The following PDGFC variants were observed in gnomAD, a reference collection of about 807,000 sequenced individuals.
The protein encoded by PDGFC is platelet derived growth factor C.
PDGFC carries 12 observed loss-of-function variants against 35.5 expected under a neutral mutation model. That is an observed-to-expected ratio of 0.34 (90% confidence interval 0.22 to 0.55). PDGFC has a LOEUF of 0.55. PDGFC is among the 20% of genes least tolerant of loss of function. The pLI is 0.91. For missense variants in PDGFC, 322 were observed against 412.4 expected (o/e 0.78, Z 1.90); for synonymous variants, 159 against 148.8 (o/e 1.07, Z -0.50).
chr4:156,805,960 C>T (rs1037887662), intron 3 of PDGFC, among the ~76,000 whole-genome samples: 14 of 151,900 alleles, frequency 9.2e-5, no homozygotes, highest in African/African-American at 2.9e-4. Context: ...GCCAGTACGC[C>T]GTCTGAACTC....
At chr4:156,903,104 A>AGAGACT (rs368483475) in intron 1 of PDGFC, among the ~76,000 whole-genome samples, 1 of 130,678 alleles carries the variant, frequency 7.7e-6, no homozygotes, top group Non-Finnish European at 1.7e-5. Context: ...AGAGAGAGAG[A>AGAGACT]GTGTGTGTGT....
intron 1 of PDGFC, among the ~76,000 whole-genome samples, chr4:156,904,100 A>T (rs1250897480): frequency 6.6e-6 from 1 of 152,150 alleles, no homozygotes; most frequent in Non-Finnish European, 1.5e-5. Context: ...ATATTACAGC[A>T]TACAATTTAC....
At chr4:156,855,185 T>C (rs1162699118) in intron 1 of PDGFC, among the ~76,000 whole-genome samples, 1 of 152,148 alleles carries the variant, frequency 6.6e-6, no homozygotes, top group African/African-American at 2.4e-5. Context: ...ATGTTTACCA[T>C]GCATTACATA....
At chr4:156,907,049 T>C (rs971963204) in intron 1 of PDGFC, among the ~76,000 whole-genome samples, 6 of 152,230 alleles carry the variant, frequency 3.9e-5, no homozygotes, top group Admixed American at 2.6e-4. Context: ...ATCTACTGTT[T>C]ATGAAATCTG....
rs894104994 is a variant in PDGFC, at chr4:156,796,853, T to C, written c.495+13984A>G. On this transcript the variant is annotated intron_variant, in intron 3 of 5. Transcript: ENST00000502773. ...TTTAAATCAACTTAATATAAACTTA[T>C]AGAAAATTACATATAACTCTAAGTC... is the stretch of plus-strand genomic sequence containing the variant. 3.3e-5 allele frequency among the ~76,000 whole-genome samples: 5 copies of C among 152,252 alleles called. No individual in the cohort carries two copies. In the East Asian group the frequency reaches 9.7e-4, roughly 29 times the overall value.
chr4:156,798,015 C>T (rs1036149285), intron 3 of PDGFC, among the ~76,000 whole-genome samples: 3 of 152,074 alleles, frequency 2.0e-5, no homozygotes, highest in African/African-American at 7.2e-5. Context: ...CATGGTAAAA[C>T]CCTGTCTCTA....
At chr4:156,817,386 CAAGT>C (rs1331002649) in intron 2 of PDGFC, among the ~76,000 whole-genome samples, 2 of 152,012 alleles carry the variant, frequency 1.3e-5, no homozygotes, top group Admixed American at 6.5e-5. Flanking sequence ...GATATAATCA[CAAGT>C]AAGACTATAT....
At chr4:156,813,747 C>A (rs945731378) in intron 2 of PDGFC, among the ~76,000 whole-genome samples, 14 of 152,054 alleles carry the variant, frequency 9.2e-5, no homozygotes, top group Non-Finnish European at 1.8e-4. Flanking sequence ...AACATGTAGG[C>A]ACATTCCAAT....
chr4:156,957,431 T>C (rs1732239168), intron 1 of PDGFC, among the ~76,000 whole-genome samples: 1 of 151,978 alleles, frequency 6.6e-6, no homozygotes, highest in Non-Finnish European at 1.5e-5. Context: ...GGTCTTCATT[T>C]TTTTCAGTCT....
intron 2 of PDGFC, among the ~76,000 whole-genome samples, chr4:156,846,145 T>C (rs1024468147): frequency 6.6e-6 from 1 of 151,726 alleles, no homozygotes; most frequent in Admixed American, 6.6e-5. Context: ...GCTAAAAAAA[T>C]TGGGTGATAG....
chr4:156,783,598 G>C (rs755065877), intron 3 of PDGFC, among the ~76,000 whole-genome samples: 12 of 151,934 alleles, frequency 7.9e-5, no homozygotes, highest in Middle Eastern at 3.2e-3. Flanking sequence ...ATATATACAC[G>C]ACTACCTCTA....
intron 1 of PDGFC, among the ~76,000 whole-genome samples, chr4:156,852,345 C>T (rs1372335411): frequency 6.6e-6 from 1 of 152,140 alleles, no homozygotes; most frequent in Non-Finnish European, 1.5e-5. Flanking sequence ...TTACTAAGTC[C>T]TATGAAATGA....
At chr4:156,943,165 A>AC (rs1400539222) in intron 1 of PDGFC, among the ~76,000 whole-genome samples, 1 of 151,902 alleles carries the variant, frequency 6.6e-6, no homozygotes, top group East Asian at 1.9e-4. Flanking sequence ...GTCTGGCTCA[A>AC]CCCCCCGGTG....
At chr4:156,940,262 A>G (rs1579113752) in intron 1 of PDGFC, among the ~76,000 whole-genome samples, 1 of 152,090 alleles carries the variant, frequency 6.6e-6, no homozygotes, top group Non-Finnish European at 1.5e-5. Context: ...TTCAAAAATT[A>G]CAGTACTTAA....
intron 1 of PDGFC, among the ~76,000 whole-genome samples, chr4:156,913,550 T>C (rs1411502451): frequency 6.6e-6 from 1 of 152,194 alleles, no homozygotes; most frequent in African/African-American, 2.4e-5. Flanking sequence ...CATTCACCTT[T>C]AGCTTCCTTT....
intron 1 of PDGFC, among the ~76,000 whole-genome samples, chr4:156,957,380 T>C (rs1732237885): frequency 6.6e-6 from 1 of 151,980 alleles, no homozygotes; most frequent in African/African-American, 2.4e-5. Flanking sequence ...ACTGAAGATT[T>C]TTTCTTTGTG....
intron 3 of PDGFC, among the ~76,000 whole-genome samples, chr4:156,786,836 T>C (rs1731140655): frequency 6.6e-6 from 1 of 152,192 alleles, no homozygotes; most frequent in South Asian, 2.1e-4. Context: ...AGTTGGGAGC[T>C]ATTGGAGAGT....
At chr4:156,774,870 CATG>C (rs1426126854) in intron 3 of PDGFC, among the ~76,000 whole-genome samples, 2 of 151,864 alleles carry the variant, frequency 1.3e-5, no homozygotes, top group African/African-American at 2.4e-5. Context: ...AGGTTTATGA[CATG>C]ATGTTACAGA....
chr4:156,772,587 G>T, intron 4 of PDGFC, 99 bp downstream of exon 4: 6 of 691,056 alleles, frequency 8.7e-6, no homozygotes, highest in East Asian at 2.6e-5. Context: ...TATCACTGAT[G>T]AATTTTAAAC....
Sources: allele counts gnomAD v4.1 joint callset (sites outside exome capture counted in the v4.1 genomes callset), GRCh38; gene constraint gnomAD v4.1.1; transcripts MANE v1.5; gene names NCBI Gene and HGNC (gene_info 2026-07-23, HGNC 2026-07-21).